The following CSMD1 variants were observed in gnomAD, a reference collection of about 807,000 sequenced individuals.
CSMD1 encodes the protein CUB and sushi domain-containing protein 1.
A neutral mutation model predicts 417.5 loss-of-function variants in CSMD1; 213 were observed. The ratio of observed to expected loss-of-function variants is 0.51; its 90% CI spans 0.46 to 0.57. CSMD1 has a LOEUF of 0.57. CSMD1 is among the 20% of genes least tolerant of loss of function. The pLI, the probability that CSMD1 is intolerant of heterozygous loss-of-function variation, is 0.00. For missense variants in CSMD1, 6,923 were observed against 4,529.7 expected (o/e 1.53, Z -15.17); for synonymous variants, 2,862 against 1,736.8 (o/e 1.65, Z -16.11).
At chr8:3,772,237 A>G (rs917553202) in intron 5 of CSMD1, among the ~76,000 whole-genome samples, 1 of 146,458 alleles carries the variant, frequency 6.8e-6, no homozygotes, top group Admixed American at 6.9e-5. Flanking sequence ...ACACATATTT[A>G]TATATAGATA....
chr8:3,420,227 C>T (rs893205028), intron 12 of CSMD1, among the ~76,000 whole-genome samples: 1 of 151,892 alleles, frequency 6.6e-6, no homozygotes, highest in African/African-American at 2.4e-5. Context: ...AACGTATAAC[C>T]CCAGTCTAAC....
chr8:4,394,350 T>A (rs977795253), intron 3 of CSMD1, among the ~76,000 whole-genome samples: 2 of 152,184 alleles, frequency 1.3e-5, no homozygotes, highest in African/African-American at 4.8e-5. Flanking sequence ...TTCTCTTGGG[T>A]TCTAAATGTC....
intron 3 of CSMD1, among the ~76,000 whole-genome samples, chr8:4,336,579 G>C (rs1486608744): frequency 2.6e-5 from 4 of 152,174 alleles, no homozygotes; most frequent in African/African-American, 7.2e-5. Flanking sequence ...GCCTGGTGAA[G>C]CATGAATTTA....
intron 12 of CSMD1, among the ~76,000 whole-genome samples, chr8:3,412,904 T>G (rs192064439): frequency 3.3e-5 from 5 of 152,162 alleles, no homozygotes; most frequent in African/African-American, 1.2e-4. Flanking sequence ...GAGCTCTTGT[T>G]TGTTGTGGGC....
At chr8:4,183,301 G>C (rs892010393) in intron 3 of CSMD1, among the ~76,000 whole-genome samples, 14 of 152,122 alleles carry the variant, frequency 9.2e-5, no homozygotes, top group Non-Finnish European at 1.8e-4. Flanking sequence ...TACAGAATCA[G>C]CAATTAAATA....
intron 5 of CSMD1, among the ~76,000 whole-genome samples, chr8:3,835,813 T>C (rs150944313): frequency 3.7e-4 from 56 of 152,264 alleles, no homozygotes; most frequent in African/African-American, 1.3e-3. Flanking sequence ...AGAGTAATTT[T>C]TCAGTCTAGG....
intron 3 of CSMD1, among the ~76,000 whole-genome samples, chr8:4,033,292 A>G (rs1018564854): frequency 1.3e-5 from 2 of 151,954 alleles, no homozygotes; most frequent in Non-Finnish European, 2.9e-5. Context: ...TACAAAAAAA[A>G]TTAGCCGGGC....
chr8:3,797,775 A>G (rs938843482), intron 5 of CSMD1, among the ~76,000 whole-genome samples: 2 of 151,974 alleles, frequency 1.3e-5, no homozygotes, highest in African/African-American at 2.4e-5. Context: ...AACGTGATAA[A>G]ACAGAAAATT....
chr8:3,867,489 G>C (rs1466314758), intron 5 of CSMD1, among the ~76,000 whole-genome samples: 3 of 152,158 alleles, frequency 2.0e-5, no homozygotes, highest in Non-Finnish European at 4.4e-5. Flanking sequence ...ACCTGCTGAA[G>C]AGGGTGTCAG....
intron 3 of CSMD1, among the ~76,000 whole-genome samples, chr8:4,152,636 G>C (rs1796627931): frequency 6.6e-6 from 1 of 151,902 alleles, no homozygotes; most frequent in African/African-American, 2.4e-5. Context: ...GCTGCAATGA[G>C]TCACGATTGT....
At chr8:3,110,413 G>A (rs1411653247) in intron 42 of CSMD1, 78 bp from the exon 43 acceptor site, 4 of 1,235,460 alleles carry the variant, frequency 3.2e-6, no homozygotes, top group Admixed American at 3.2e-5. Flanking sequence ...TGACTCCAAA[G>A]TACCTTAGCC....
At chr8:4,082,179 C>G (rs1016190491) in intron 3 of CSMD1, among the ~76,000 whole-genome samples, 3 of 151,990 alleles carry the variant, frequency 2.0e-5, no homozygotes, top group African/African-American at 7.2e-5. Flanking sequence ...AAAGAGCGTA[C>G]AAGATATACT....
chr8:3,966,763 G>A lies in CSMD1; in HGVS notation c.818+31140C>T, dbSNP rs570050504. ...CACACACACACACACACGCGCGCGCGCGCACACACACTGATTTATAGGTCT... is the reference window on the plus strand; with the variant it reads ...CACACACACACACACACGCGCGCGCACGCACACACACTGATTTATAGGTCT... On this transcript the variant is annotated intron_variant, in intron 5 of 69. Coordinates refer to ENST00000635120, the MANE Select transcript of CSMD1 (RefSeq NM_033225.6). 5.7e-4 allele frequency among the ~76,000 whole-genome samples: 79 copies of A among 138,288 alleles called. 1 individual carries two copies. The South Asian group carries it at 6.3e-3, about 11-fold the overall frequency. 90.7% of individuals were successfully genotyped at this position (138,288 alleles called of 152,430 possible).
Position 3,343,453 on chromosome 8 carries a change from G to C in CSMD1, c.3475-3C>G. 6.2e-7 allele frequency: 1 copy of C among 1,611,098 alleles called. No homozygotes were observed. Among genetic ancestry groups the C allele is most frequent in the Non-Finnish European group, 8.5e-7 (1 of 1,177,794 alleles). ...GAACTGTCTTTTCCATCATATACCT[G>C]ATGAAAATTCACAGCATGAGTCCCT... On this transcript the variant is annotated splice_polypyrimidine_tract_variant and splice_region_variant and intron_variant, in intron 22 of 69. Coordinates refer to ENST00000635120, the MANE Select transcript of CSMD1 (RefSeq NM_033225.6).
At chr8:3,813,488 G>C (rs778468771) in intron 5 of CSMD1, among the ~76,000 whole-genome samples, 4 of 152,060 alleles carry the variant, frequency 2.6e-5, no homozygotes, top group Non-Finnish European at 5.9e-5. Flanking sequence ...GGACTTTTAT[G>C]TGCATTAAAA....
intron 1 of CSMD1, among the ~76,000 whole-genome samples, chr8:4,701,653 G>A (rs1009190602): frequency 2.0e-5 from 3 of 151,886 alleles, no homozygotes; most frequent in African/African-American, 2.4e-5. Context: ...AGTATGCTAG[G>A]TCCACACATC....
chr8:3,372,325 T>C (rs1585068382), intron 18 of CSMD1, among the ~76,000 whole-genome samples: 1 of 151,890 alleles, frequency 6.6e-6, no homozygotes, highest in Non-Finnish European at 1.5e-5. Context: ...GACTGGGGGG[T>C]CCTTGTAAGG....
chr8:3,317,167 T>C (rs1229311084), intron 23 of CSMD1, among the ~76,000 whole-genome samples: 2 of 152,164 alleles, frequency 1.3e-5, no homozygotes, highest in African/African-American at 2.4e-5. Flanking sequence ...TCAGCATTGT[T>C]GTCACATAAT....
intron 2 of CSMD1, among the ~76,000 whole-genome samples, chr8:4,551,711 C>T (rs1220917031): frequency 1.3e-5 from 2 of 152,054 alleles, no homozygotes; most frequent in Non-Finnish European, 2.9e-5. Flanking sequence ...CTTGCTCTAT[C>T]TCCCAGGCTG....
Sources: gnomAD v4.1 joint callset for allele counts (sites outside exome capture counted in the v4.1 genomes callset) on GRCh38, gnomAD v4.1.1 for gene constraint, MANE v1.5 for transcripts, NCBI Gene and HGNC (gene_info 2026-07-23, HGNC 2026-07-21) for gene names.